GRM1: variants seen among roughly 807,000 people sequenced by gnomAD.
The protein encoded by GRM1 is glutamate metabotropic receptor 1.
GRM1 carries 33 observed loss-of-function variants against 90.9 expected under a neutral mutation model. That is an observed-to-expected ratio of 0.36 (90% CI 0.28 to 0.49). The LOEUF (loss-of-function observed/expected upper bound fraction) is 0.49. Among genes scored for constraint, GRM1 ranks in the 20% least tolerant of loss-of-function variants. The pLI, the probability that GRM1 is intolerant of heterozygous loss-of-function variation, is 0.99. For missense variants in GRM1, 1,190 were observed against 1,534.3 expected (o/e 0.78, Z 3.75); for synonymous variants, 700 against 613.2 (o/e 1.14, Z -2.09).
intron 1 of GRM1, among the ~76,000 whole-genome samples, chr6:146,065,573 G>T (rs1775818152): frequency 6.6e-6 from 1 of 152,162 alleles, no homozygotes; most frequent in Non-Finnish European, 1.5e-5. Context: ...TACCCATTCA[G>T]TGCAAGTGAG....
rs772966925 is a variant in GRM1 at position 146,159,639 on chromosome 6, T to TCACA, written c.950+43_950+44insACAC. On this transcript the variant is annotated intron_variant, in intron 2 of 7. Transcript: ENST00000282753. ...CTCTCTCTCTCTCTCTCTCTCTCTC[T>TCACA]CTCACACACACACATGCACACACAC... The TCACA allele has an allele frequency of 2.8e-5, 32 of 1,126,892 alleles. No homozygotes were observed. In the African/African-American group the frequency reaches 3.7e-4, roughly 13 times the overall value. 69.8% of individuals were successfully genotyped at this position (1,126,892 alleles called of 1,614,324 possible). A position where few individuals can be genotyped will look rare whatever the true frequency, so the allele number is the denominator to read the frequency against.
At chr6:146,351,331 A>G (rs944708334) in intron 3 of GRM1, among the ~76,000 whole-genome samples, 1 of 152,300 alleles carries the variant, frequency 6.6e-6, no homozygotes, top group East Asian at 1.9e-4. Flanking sequence ...GAGAGAAGCA[A>G]ATTTCAGGAA....
chr6:146,432,579 G>A (rs774210900), intron 7 of GRM1, among the ~76,000 whole-genome samples: 11 of 152,128 alleles, frequency 7.2e-5, no homozygotes, highest in Non-Finnish European at 1.3e-4. Flanking sequence ...AGAAAAAAAT[G>A]TCCATTTTTA....
chr6:146,238,052 A>G (rs1780714999), intron 2 of GRM1, among the ~76,000 whole-genome samples: 1 of 152,168 alleles, frequency 6.6e-6, no homozygotes. Flanking sequence ...CACTGACACC[A>G]TCATTTTTTG....
At position 146,281,634 on chromosome 6, in the gene GRM1, A is replaced by C. The variant is rs184786834; in HGVS notation, c.951-22977A>C. On this transcript the variant is annotated intron_variant, in intron 2 of 7. Transcript: ENST00000282753. ...TGTTCCTTGTGGTACATTATATGTA[A>C]TAGATATTGAATACTTTCTTAATTT... Among the ~76,000 whole-genome samples the C allele has an allele frequency of 3.9e-5, 6 of 152,324 alleles. No individual in the cohort carries two copies. The East Asian group carries it at 1.2e-3, about 29-fold the overall frequency.
At chr6:146,052,827 A>G (rs1447719879) in intron 1 of GRM1, among the ~76,000 whole-genome samples, 1 of 151,886 alleles carries the variant, frequency 6.6e-6, no homozygotes, top group Non-Finnish European at 1.5e-5. Context: ...ATTTCCTACT[A>G]TTGGAAATTA....
intron 2 of GRM1, among the ~76,000 whole-genome samples, chr6:146,187,738 C>CATATATATATATATATATAT (rs10656760): frequency 1.3e-4 from 19 of 148,508 alleles, no homozygotes; most frequent in African/African-American, 3.9e-4. Flanking sequence ...AGGCACAAAA[C>CATATATATATATATATATAT]ATATATATAT....
intron 2 of GRM1, among the ~76,000 whole-genome samples, chr6:146,296,432 A>T (rs1435198809): frequency 2.0e-5 from 3 of 152,208 alleles, no homozygotes; most frequent in Non-Finnish European, 4.4e-5. Flanking sequence ...GAGAACATTT[A>T]AAATCTATTC....
At chr6:146,041,770 ATAGT>A (rs1237981152) in intron 1 of GRM1, among the ~76,000 whole-genome samples, 1 of 151,936 alleles carries the variant, frequency 6.6e-6, no homozygotes, top group Non-Finnish European at 1.5e-5. Flanking sequence ...TTGACACTAG[ATAGT>A]TGTTTTTGGT....
intron 2 of GRM1, among the ~76,000 whole-genome samples, chr6:146,267,338 G>C (rs890516703): frequency 6.6e-6 from 1 of 152,070 alleles, no homozygotes; most frequent in African/African-American, 2.4e-5. Flanking sequence ...AATAGTGCTG[G>C]AATGAACATA....
intron 2 of GRM1, among the ~76,000 whole-genome samples, chr6:146,275,532 C>T (rs1782324657): frequency 6.6e-6 from 1 of 152,012 alleles, no homozygotes; most frequent in Non-Finnish European, 1.5e-5. Flanking sequence ...CTCTGTCTCT[C>T]TCTCCCCCTA....
At chr6:146,432,834 G>A (rs1008962182) in intron 7 of GRM1, among the ~76,000 whole-genome samples, 1 of 152,134 alleles carries the variant, frequency 6.6e-6, no homozygotes, top group Non-Finnish European at 1.5e-5. Flanking sequence ...CAGAATTTGG[G>A]GTGTAGGCCA....
chr6:146,161,479 A>T (rs529488569), intron 2 of GRM1, among the ~76,000 whole-genome samples: 1 of 152,244 alleles, frequency 6.6e-6, no homozygotes, highest in East Asian at 1.9e-4. Flanking sequence ...AGAGTCGCAC[A>T]TGTGTTTGTT....
intron 5 of GRM1, among the ~76,000 whole-genome samples, chr6:146,386,495 A>G (rs1776508770): frequency 6.6e-6 from 1 of 152,102 alleles, no homozygotes; most frequent in South Asian, 2.1e-4. Flanking sequence ...AAAAGGTTTT[A>G]TTACAGACTT....
chr6:146,119,330 C>T (rs1212221826), intron 1 of GRM1, among the ~76,000 whole-genome samples: 2 of 151,768 alleles, frequency 1.3e-5, no homozygotes, highest in South Asian at 2.1e-4. Flanking sequence ...CTTTGTAGAT[C>T]CTGGATATTA....
At chr6:146,210,381 G>A (rs184649431) in intron 2 of GRM1, among the ~76,000 whole-genome samples, 237 of 152,338 alleles carry the variant, frequency 1.6e-3, no homozygotes, top group South Asian at 4.8e-3. Flanking sequence ...AACACAGTAT[G>A]AAGCAGACAC....
chr6:146,308,422 CT>C (rs1426337384), intron 3 of GRM1, among the ~76,000 whole-genome samples: 6 of 152,294 alleles, frequency 3.9e-5, no homozygotes, highest in African/African-American at 1.4e-4. Flanking sequence ...TAAAATGTTA[CT>C]ACTAGTGTCA....
intron 1 of GRM1, among the ~76,000 whole-genome samples, chr6:146,030,618 G>T (rs941556054): frequency 1.3e-5 from 2 of 152,094 alleles, no homozygotes; most frequent in South Asian, 2.1e-4. Context: ...TGAGTGATTG[G>T]CAAAAAGAAG....
chr6:146,338,001 TG>T (rs950463118), intron 3 of GRM1, among the ~76,000 whole-genome samples: 1 of 152,160 alleles, frequency 6.6e-6, no homozygotes, highest in Non-Finnish European at 1.5e-5. Flanking sequence ...TGATTTTTCC[TG>T]GGGGGAAATT....
Sources: allele counts gnomAD v4.1 joint callset (sites outside exome capture counted in the v4.1 genomes callset), GRCh38; gene constraint gnomAD v4.1.1; transcripts MANE v1.5; gene names NCBI Gene and HGNC (gene_info 2026-07-23, HGNC 2026-07-21).